Variants in SPRED2 observed in about 807,000 individuals in gnomAD.
SPRED2 encodes the protein sprouty related EVH1 domain containing 2.
SPRED2 carries 47 observed loss-of-function variants against 43.0 expected under a neutral mutation model. The ratio of observed to expected loss-of-function variants is 1.09; its 90% confidence interval spans 0.87 to 1.40. SPRED2 has a LOEUF of 1.40. Among genes scored for constraint, SPRED2 ranks in the 40% most tolerant of loss-of-function variants. SPRED2 has a pLI of 0.00. For missense variants in SPRED2, 561 were observed against 586.4 expected (o/e 0.96, Z 0.45); for synonymous variants, 225 against 225.7 (o/e 1.00, Z 0.03).
intron 1 of SPRED2, among the ~76,000 whole-genome samples, chr2:65,427,927 T>A (rs925608021): frequency 6.6e-6 from 1 of 152,194 alleles, no homozygotes; most frequent in Non-Finnish European, 1.5e-5. Flanking sequence ...AGGAAAGGAC[T>A]TCACCTCTCT....
In SPRED2 at chr2:65,338,784, C is replaced by G. The variant is rs1412336020; in HGVS notation, c.205-4011G>C. 5.3e-5 allele frequency among the ~76,000 whole-genome samples: 8 copies of G among 151,808 alleles called. No homozygotes were observed. In the South Asian group the frequency reaches 1.3e-3, roughly 24 times the overall value. ...ATCGTCTGGGATGTGAGGAGCCCCTCTGCCTGGCTGCCCAGTCTGGAAAGT... is the reference window on the plus strand; with the variant it reads ...ATCGTCTGGGATGTGAGGAGCCCCTGTGCCTGGCTGCCCAGTCTGGAAAGT... On this transcript the variant is annotated intron_variant, in intron 2 of 5. Coordinates refer to ENST00000356388, the MANE Select transcript of SPRED2 (RefSeq NM_181784.3).
At chr2:65,326,228 G>A (rs1046391586) in intron 4 of SPRED2, among the ~76,000 whole-genome samples, 3 of 151,982 alleles carry the variant, frequency 2.0e-5, no homozygotes, top group South Asian at 4.2e-4. Context: ...CCCCCACCCC[G>A]TATATAATAT....
In SPRED2 at chr2:65,334,793, A is replaced by G; in HGVS notation, c.205-20T>C. ...TACCACCTGAAGGATGGAAACACACAGGCTGGTTACTAGTGGAACAGCCAT... is the reference window on the plus strand; with the variant it reads ...TACCACCTGAAGGATGGAAACACACGGGCTGGTTACTAGTGGAACAGCCAT... On this transcript the variant is annotated intron_variant, in intron 2 of 5. Coordinates refer to ENST00000356388, the MANE Select transcript of SPRED2 (RefSeq NM_181784.3). 1 of 1,613,774 alleles carries G rather than the reference A, an allele frequency of 6.2e-7. No individual in the cohort carries two copies. The highest frequency in any genetic ancestry group is 1.1e-5 in the South Asian group (1 of 91,020).
downstream of SPRED2, among the ~76,000 whole-genome samples, chr2:65,307,905 C>T (rs143593677): frequency 1.3e-5 from 2 of 152,262 alleles, no homozygotes; most frequent in Non-Finnish European, 2.9e-5. Context: ...AGTGAGGACG[C>T]CCGCATTGGC....
At chr2:65,347,543 G>A (rs1011352195) in intron 1 of SPRED2, among the ~76,000 whole-genome samples, 2 of 151,916 alleles carry the variant, frequency 1.3e-5, no homozygotes, top group African/African-American at 4.8e-5. Context: ...GAGACCTTTC[G>A]CCTGTGCCCA....
At chr2:65,352,521 C>T (rs555691934) in intron 1 of SPRED2, among the ~76,000 whole-genome samples, 21 of 152,362 alleles carry the variant, frequency 1.4e-4, no homozygotes, top group Non-Finnish European at 1.2e-4. Flanking sequence ...CAGGCTCTTC[C>T]GTCCAGTCTT....
At chr2:65,369,832 C>T (rs1436363091) in intron 1 of SPRED2, among the ~76,000 whole-genome samples, 4 of 152,200 alleles carry the variant, frequency 2.6e-5, no homozygotes, top group Non-Finnish European at 5.9e-5. Flanking sequence ...CTGGCTCCAC[C>T]TCACTATTTT....
chr2:65,431,882 C>A, intron 1 of SPRED2, 80 bp downstream of exon 1: 1 of 1,538,798 alleles, frequency 6.5e-7, no homozygotes, highest in East Asian at 2.2e-5. Context: ...ACCCAATAAG[C>A]GTCCCCGCCC....
intron 1 of SPRED2, among the ~76,000 whole-genome samples, chr2:65,409,427 T>A (rs1275256671): frequency 6.6e-6 from 1 of 152,206 alleles, no homozygotes; most frequent in African/African-American, 2.4e-5. Flanking sequence ...TTCACCTGTT[T>A]CTATTTACTT....
rs1049835352 is a variant in SPRED2 at position 65,366,774 on chromosome 2, C to A, written c.27-21878G>T. 8.1e-6 allele frequency: 11 copies of A among 1,363,618 alleles called. No homozygotes were observed. The African/African-American group carries it at 1.2e-4, about 15-fold the overall frequency. 84.5% of individuals were successfully genotyped at this position (1,363,618 alleles called of 1,614,324 possible). ...CCTTGACAAATATACTGCATTGTAC[C>A]GGATGAGTCATCCGAGGGTTAGTCC... On this transcript the variant is annotated intron_variant, in intron 1 of 5. Coordinates refer to ENST00000356388, the MANE Select transcript of SPRED2 (RefSeq NM_181784.3).
intron 1 of SPRED2, among the ~76,000 whole-genome samples, chr2:65,366,194 C>T (rs1031780562): frequency 1.3e-5 from 2 of 151,920 alleles, no homozygotes; most frequent in Non-Finnish European, 2.9e-5. Flanking sequence ...CTTCAGCTCA[C>T]CTCTGCTTAT....
intron 1 of SPRED2, among the ~76,000 whole-genome samples, chr2:65,412,979 A>G (rs1041463444): frequency 6.6e-6 from 1 of 152,186 alleles, no homozygotes. Flanking sequence ...TAAGCAGATC[A>G]TTCACCTTCT....
chr2:65,326,430 C>T (rs1673618589), intron 4 of SPRED2, among the ~76,000 whole-genome samples: 1 of 152,238 alleles, frequency 6.6e-6, no homozygotes, highest in African/African-American at 2.4e-5. Flanking sequence ...TCCGGCTCAT[C>T]TGTCCTGAGG....
chr2:65,404,531 T>C (rs1675978472), intron 1 of SPRED2, among the ~76,000 whole-genome samples: 1 of 152,250 alleles, frequency 6.6e-6, no homozygotes, highest in South Asian at 2.1e-4. Flanking sequence ...TTAATGCAGA[T>C]ATTCATTCAT....
chr2:65,381,664 G>C (rs1675376992), intron 1 of SPRED2, among the ~76,000 whole-genome samples: 1 of 152,218 alleles, frequency 6.6e-6, no homozygotes, highest in African/African-American at 2.4e-5. Context: ...TGTGGCAAAA[G>C]CAGGGAGGTG....
intron 2 of SPRED2, among the ~76,000 whole-genome samples, chr2:65,338,234 GTCTCCCTCTCCCGTCTCCC>G (rs1305836441): frequency 0.055 from 1,703 of 30,710 alleles, 213 homozygotes; most frequent in African/African-American, 0.11. Context: ...TCCCTCTCCC[GTCTCCCTCTCCCGTCTCCC>G]TCTCCCTCTC....
At chr2:65,308,055 C>T (rs1672978482), downstream of SPRED2, among the ~76,000 whole-genome samples, 1 of 150,920 alleles carries the variant, frequency 6.6e-6, no homozygotes, top group African/African-American at 2.4e-5. Flanking sequence ...GCTCCTCTAA[C>T]AATACTTTTT....
chr2:65,364,370 T>C (rs534390990), intron 1 of SPRED2, among the ~76,000 whole-genome samples: 49 of 152,222 alleles, frequency 3.2e-4, no homozygotes, highest in Non-Finnish European at 6.5e-4. Context: ...TCACTCAATA[T>C]CTATTGATTG....
At chr2:65,395,664 A>G (rs906456392) in intron 1 of SPRED2, among the ~76,000 whole-genome samples, 1 of 152,224 alleles carries the variant, frequency 6.6e-6, no homozygotes, top group African/African-American at 2.4e-5. Context: ...TATGGGTAGA[A>G]GTGGGCATCA....
Sources: allele counts gnomAD v4.1 joint callset (sites outside exome capture counted in the v4.1 genomes callset), GRCh38; gene constraint gnomAD v4.1.1; transcripts MANE v1.5; gene names NCBI Gene and HGNC (gene_info 2026-07-23, HGNC 2026-07-21).